AIMP1: variants seen among roughly 807,000 people sequenced by gnomAD.
AIMP1 encodes the protein aminoacyl tRNA synthase complex-interacting multifunctional protein 1.
AIMP1 carries 24 observed loss-of-function variants against 33.1 expected under a neutral mutation model. The observed-to-expected ratio is 0.73, with a 90% CI of 0.53 to 1.02. The LOEUF (loss-of-function observed/expected upper bound fraction) is 1.02. AIMP1 is among the 50% of genes least tolerant of loss of function. AIMP1 has a pLI of 0.00. For synonymous variants in AIMP1, 120 were observed against 121.5 expected (o/e 0.99, Z 0.08); for missense variants, 367 against 364.8 (o/e 1.01, Z -0.05).
At chr4:106,338,760 A>C (rs1769988258) in intron 6 of AIMP1, among the ~76,000 whole-genome samples, 1 of 152,166 alleles carries the variant, frequency 6.6e-6, no homozygotes, top group South Asian at 2.1e-4. Flanking sequence ...CAGACCCTAG[A>C]ATCATAAATC....
chr4:106,317,866 T>TA (rs1410213038), intron 1 of AIMP1, among the ~76,000 whole-genome samples: 1 of 152,174 alleles, frequency 6.6e-6, no homozygotes, highest in Non-Finnish European at 1.5e-5. Flanking sequence ...ACAAGGTATG[T>TA]AATGGGTCTA....
At chr4:106,329,772 C>CTTTTTTTTTTTTTTTTTTTTTTTTTTT (rs59016309) in intron 4 of AIMP1, among the ~76,000 whole-genome samples, 1 of 53,062 alleles carries the variant, frequency 1.9e-5, no homozygotes, top group African/African-American at 6.7e-5. Flanking sequence ...TGCTACATAT[C>CTTTTTTTTTTTTTTTTTTTTTTTTTTT]TTTTTTTTTT....
intron 1 of AIMP1, among the ~76,000 whole-genome samples, chr4:106,319,511 G>A (rs1355972938): frequency 6.6e-6 from 1 of 152,060 alleles, no homozygotes; most frequent in African/African-American, 2.4e-5. Flanking sequence ...AATGTGAAGG[G>A]ACAGAATGAT....
At chr4:106,325,210 A>G in intron 2 of AIMP1, 92 bp downstream of exon 2, 1 of 1,223,176 alleles carries the variant, frequency 8.2e-7, no homozygotes, top group Admixed American at 2.3e-5. Context: ...AAGTTATTTA[A>G]GTTTTACTTA....
intron 2 of AIMP1, 126 bp downstream of exon 2, chr4:106,325,244 A>T (rs1769414700): frequency 2.3e-6 from 2 of 886,684 alleles, no homozygotes; most frequent in Non-Finnish European, 3.4e-6. Context: ...TATGTAGAAA[A>T]ATATCAAACC....
At position 106,325,064 on chromosome 4, in the gene AIMP1, G is replaced by T; in HGVS notation, c.55G>T (p.Asp19Tyr). Residue 19 changes from aspartate to tyrosine, a missense_variant, in exon 2 of 7, where the codon GAT (aspartate) becomes TAT (tyrosine). Coordinates refer to ENST00000672341, the MANE Select transcript of AIMP1 (RefSeq NM_001142416.2). Reference protein sequence around the residue: ...KRLEQKGAEADQIIEYLKQQV... With the variant: ...KRLEQKGAEAYQIIEYLKQQV... ...ACTGGAGCAGAAGGGTGCAGAGGCA[G>T]ATCAAATCATTGAATATCTTAAGCA... 1 of 1,613,150 alleles carries T rather than the reference G, an allele frequency of 6.2e-7. No individual in the cohort carries two copies. The highest frequency in any genetic ancestry group is 8.5e-7 in the Non-Finnish European group (1 of 1,179,408).
intron 6 of AIMP1, among the ~76,000 whole-genome samples, chr4:106,339,108 G>C (rs1054012474): frequency 6.6e-6 from 1 of 152,200 alleles, no homozygotes; most frequent in Non-Finnish European, 1.5e-5. Flanking sequence ...ACTTGCTTTT[G>C]ATTTTATGGC....
At chr4:106,317,053 C>T (rs1705056541) in intron 1 of AIMP1, among the ~76,000 whole-genome samples, 1 of 152,160 alleles carries the variant, frequency 6.6e-6, no homozygotes, top group Non-Finnish European at 1.5e-5. Context: ...GAGGAAGGCA[C>T]ATACTAAGCA....
intron 4 of AIMP1, among the ~76,000 whole-genome samples, chr4:106,328,730 A>T (rs1769552523): frequency 6.6e-6 from 1 of 152,218 alleles, no homozygotes; most frequent in African/African-American, 2.4e-5. Flanking sequence ...AAATTTAGTC[A>T]TCAACCTTAA....
At chr4:106,336,763 A>G in intron 5 of AIMP1, 106 bp from the exon 6 acceptor site, 2 of 1,104,842 alleles carry the variant, frequency 1.8e-6, no homozygotes, top group South Asian at 2.5e-5. Context: ...CATCCACAAA[A>G]GTAGAACATT....
In AIMP1 at chr4:106,328,170, T is replaced by C; in HGVS notation, c.318T>C (p.Ser106=). The C allele has an allele frequency of 6.2e-7, 1 of 1,613,532 alleles. No homozygotes were observed. Among genetic ancestry groups the C allele is most frequent in the Non-Finnish European group, 8.5e-7 (1 of 1,179,704 alleles). The part of the protein sequence containing the change: ...VIQSTAVTTV[S]SGTKEQIKGG... Reference sequence around the variant, plus strand: ...AGTCTACAGCAGTAACAACCGTATCTTCTGGTACCAAAGAACAGATAAAAG... The same window carrying C: ...AGTCTACAGCAGTAACAACCGTATCCTCTGGTACCAAAGAACAGATAAAAG... The change falls in exon 4 of 7, where the codon TCT becomes TCC. Residue 106 remains serine, a synonymous_variant. Transcript: ENST00000672341.
At chr4:106,326,218 G>C (rs1270632357) in intron 2 of AIMP1, among the ~76,000 whole-genome samples, 1 of 152,066 alleles carries the variant, frequency 6.6e-6, no homozygotes, top group Non-Finnish European at 1.5e-5. Context: ...TAATAAGCAT[G>C]CTTAAAAACA....
Position 106,349,010 on chromosome 4 carries a change from C to T in AIMP1, c.*1318C>T, listed in dbSNP as rs1770399154. The T allele has an allele frequency of 6.6e-6, 1 of 151,952 alleles. No homozygotes were observed. The highest frequency in any genetic ancestry group is 2.1e-4 in the South Asian group (1 of 4,826). 9.4% of individuals were successfully genotyped at this position (151,952 alleles called of 1,614,324 possible). A position where few individuals can be genotyped will look rare whatever the true frequency, so the allele number is the denominator to read the frequency against. ...ACTCAACAACCATAAAACAACCCTG[C>T]ATGTTATAAAAGGCAGAATTAAATT... On this transcript the variant is annotated 3_prime_UTR_variant, in exon 7 of 7. Transcript: ENST00000672341.
intron 3 of AIMP1, 68 bp downstream of exon 3, chr4:106,327,632 G>T: frequency 8.7e-7 from 1 of 1,153,760 alleles, no homozygotes; most frequent in Non-Finnish European, 1.3e-6. Flanking sequence ...CAACAGTGAG[G>T]AAAGAAGTAA....
At chr4:106,344,043 C>G (rs1036470641) in intron 6 of AIMP1, among the ~76,000 whole-genome samples, 2 of 152,138 alleles carry the variant, frequency 1.3e-5, no homozygotes, top group African/African-American at 4.8e-5. Flanking sequence ...ACCAGTCACT[C>G]CCTGTAGCTA....
Position 106,327,544 on chromosome 4 carries a change from A to C in AIMP1, c.203A>C (p.Gln68Pro), listed in dbSNP as rs748902607. The change falls in exon 3 of 7, where the codon CAG (glutamine) becomes CCG (proline). Residue 68 changes from glutamine to proline, a missense_variant. Physicochemically the swap from Gln to Pro is moderately conservative, Grantham distance 76 (BLOSUM62 -1). Coordinates refer to ENST00000672341, the MANE Select transcript of AIMP1 (RefSeq NM_001142416.2). Reference sequence around the variant, plus strand: ...GAAGAACTGAAACAAGAGCTAATTCAGGCAGAAATTCAAAATGGAGGTAAT... The same window carrying C: ...GAAGAACTGAAACAAGAGCTAATTCCGGCAGAAATTCAAAATGGAGGTAAT... ...EIEELKQELIQAEIQNGVKQI... is the reference protein window; with the variant it reads ...EIEELKQELIPAEIQNGVKQI... 6.2e-7 allele frequency: 1 copy of C among 1,611,722 alleles called. No individual in the cohort carries two copies. Among genetic ancestry groups the C allele is most frequent in the East Asian group, 2.2e-5 (1 of 44,734 alleles).
At chr4:106,336,731 T>C in intron 5 of AIMP1, 138 bp from the exon 6 acceptor site, 2 of 839,872 alleles carry the variant, frequency 2.4e-6, no homozygotes, top group Non-Finnish European at 4.0e-6. Flanking sequence ...TAAGAGACTT[T>C]GGGCACACAA....
At position 106,336,901 on chromosome 4, in the gene AIMP1, C is replaced by A. The variant is rs143586104; in HGVS notation, c.636C>A (p.Asn212Lys). Residue 212 changes from asparagine (N) to lysine (K), a missense_variant, in exon 6 of 7, where the codon AAC becomes AAA. By Grantham distance (94) the Asn-to-Lys change is moderately conservative. Coordinates refer to ENST00000672341, the MANE Select transcript of AIMP1 (RefSeq NM_001142416.2). ...MQNRMVILLC[N>K]LKPAKMRGVL... ...ATCGGATGGTGATTTTACTTTGTAA[C>A]CTGAAACCTGCAAAGATGAGGGGAG... is the stretch of plus-strand genomic sequence containing the variant. 3 of 1,613,986 alleles carry A rather than the reference C, an allele frequency of 1.9e-6. No individual in the cohort carries two copies. Among genetic ancestry groups the A allele is most frequent in the Non-Finnish European group, 2.5e-6 (3 of 1,179,966 alleles).
At chr4:106,317,426 G>C (rs1434536609) in intron 1 of AIMP1, among the ~76,000 whole-genome samples, 1 of 152,182 alleles carries the variant, frequency 6.6e-6, no homozygotes, top group Non-Finnish European at 1.5e-5. Flanking sequence ...GGAGCGTTTT[G>C]AGCAGTAGAG....
Sources: gnomAD v4.1 joint callset for allele counts (sites outside exome capture counted in the v4.1 genomes callset) on GRCh38, gnomAD v4.1.1 for gene constraint, MANE v1.5 for transcripts, NCBI Gene and HGNC (gene_info 2026-07-23, HGNC 2026-07-21) for gene names.